TBL1XR1: variants seen among roughly 807,000 people sequenced by gnomAD.
The protein encoded by TBL1XR1 is F-box-like/WD repeat-containing protein TBL1XR1.
A neutral mutation model predicts 66.9 loss-of-function variants in TBL1XR1; 5 were observed. That is an observed-to-expected ratio of 0.07 (90% CI 0.04 to 0.16). TBL1XR1 has a LOEUF of 0.16. Among genes scored for constraint, TBL1XR1 ranks in the 10% least tolerant of loss-of-function variants. The pLI, the probability that TBL1XR1 is intolerant of heterozygous loss-of-function variation, is 1.00. For missense variants in TBL1XR1, 238 were observed against 623.2 expected, an observed-to-expected ratio of 0.38 and a Z score of 6.58; for synonymous variants, 210 against 206.0, an observed-to-expected ratio of 1.02 and a Z score of -0.17.
chr3:177,049,182 C>T (rs1186394555), intron 7 of TBL1XR1, among the ~76,000 whole-genome samples: 1 of 152,008 alleles, frequency 6.6e-6, no homozygotes, highest in East Asian at 1.9e-4. Context: ...ATCTCATTCC[C>T]GGGGAAAAGA....
intron 1 of TBL1XR1, among the ~76,000 whole-genome samples, chr3:177,153,626 G>A (rs530095036): frequency 1.3e-5 from 2 of 152,198 alleles, no homozygotes; most frequent in African/African-American, 4.8e-5. Flanking sequence ...GGTGGCTCAC[G>A]ACCGTAATCC....
intron 3 of TBL1XR1, among the ~76,000 whole-genome samples, chr3:177,061,869 T>C (rs1295086752): frequency 6.6e-6 from 1 of 152,174 alleles, no homozygotes; most frequent in Non-Finnish European, 1.5e-5. Context: ...TAGGACCTAT[T>C]GCAAAAGTAG....
chr3:177,146,118 T>C lies in TBL1XR1; in HGVS notation c.-121-47577A>G, dbSNP rs150587905. 3.0e-4 allele frequency among the ~76,000 whole-genome samples: 45 copies of C among 152,296 alleles called. No homozygotes were observed. In the East Asian group the frequency reaches 8.1e-3, roughly 27 times the overall value. The stretch of plus-strand genomic sequence containing the variant: ...GACTACAAGGAAGAGCTGGTATTCA[T>C]ATGTGATCTGCTTAGTTCAGTACCT... On this transcript the variant is annotated intron_variant, in intron 1 of 15. Transcript: ENST00000457928.
intron 1 of TBL1XR1, among the ~76,000 whole-genome samples, chr3:177,157,475 A>C (rs1731655969): frequency 6.6e-6 from 1 of 152,234 alleles, no homozygotes; most frequent in South Asian, 2.1e-4. Flanking sequence ...TTCTGAATTT[A>C]ACATAAAGAA....
chr3:177,188,538 C>A (rs1395139558), intron 1 of TBL1XR1, among the ~76,000 whole-genome samples: 1 of 151,884 alleles, frequency 6.6e-6, no homozygotes, highest in Non-Finnish European at 1.5e-5. Flanking sequence ...CAAGAGCAAA[C>A]CTCCGTCAAA....
chr3:177,165,046 A>C (rs1259122020), intron 1 of TBL1XR1, among the ~76,000 whole-genome samples: 2 of 152,176 alleles, frequency 1.3e-5, no homozygotes, highest in Non-Finnish European at 2.9e-5. Flanking sequence ...GTATCTAAAA[A>C]TTTGTTATGG....
At chr3:177,126,844 T>A (rs1323990928) in intron 1 of TBL1XR1, among the ~76,000 whole-genome samples, 1 of 151,734 alleles carries the variant, frequency 6.6e-6, no homozygotes, top group Non-Finnish European at 1.5e-5. Flanking sequence ...CAAGTCAAGC[T>A]TTTACAGAGA....
intron 3 of TBL1XR1, among the ~76,000 whole-genome samples, chr3:177,060,324 A>G (rs771839465): frequency 3.9e-5 from 6 of 152,226 alleles, no homozygotes; most frequent in Non-Finnish European, 1.5e-5. Flanking sequence ...ATTTTTAAAT[A>G]AATTTTTAAA....
chr3:177,134,033 G>A (rs1728620293), intron 1 of TBL1XR1, among the ~76,000 whole-genome samples: 1 of 151,972 alleles, frequency 6.6e-6, no homozygotes. Flanking sequence ...CCCGGGCAAA[G>A]GACTGGAACA....
At chr3:177,136,777 G>T (rs73171107) in intron 1 of TBL1XR1, among the ~76,000 whole-genome samples, 2 of 150,906 alleles carry the variant, frequency 1.3e-5, no homozygotes, top group Admixed American at 1.3e-4. Flanking sequence ...ATAATACGGC[G>T]AAGAAGAAAA....
At chr3:177,098,600 T>A in intron 1 of TBL1XR1, 59 bp from the exon 2 acceptor site, 5 of 858,626 alleles carry the variant, frequency 5.8e-6, no homozygotes, top group Non-Finnish European at 7.0e-6. Context: ...GTTTAAAAGA[T>A]TTTCCATACC....
intron 1 of TBL1XR1, chr3:177,110,824 G>C (rs1046144950): frequency 6.6e-6 from 1 of 152,184 alleles, no homozygotes; most frequent in African/African-American, 2.4e-5. Context: ...CTTCATGAGA[G>C]AAAAGAAGCC....
In TBL1XR1 at chr3:177,156,314, A is replaced by G. The variant is rs1007258552; in HGVS notation, c.-122+40807T>C. On this transcript the variant is annotated intron_variant, in intron 1 of 15. Coordinates refer to ENST00000457928, the MANE Select transcript of TBL1XR1 (RefSeq NM_024665.7). Reference sequence around the variant, plus strand: ...GGAGTTTGAGACCAGCCTGGCCAACATGGCAAAACCCCCGTCTCTACTGAA... The same window carrying G: ...GGAGTTTGAGACCAGCCTGGCCAACGTGGCAAAACCCCCGTCTCTACTGAA... Among the ~76,000 whole-genome samples, 16 of 151,720 alleles carry G rather than the reference A, an allele frequency of 1.1e-4. No individual in the cohort carries two copies. The East Asian group carries it at 2.9e-3, about 28-fold the overall frequency.
intron 2 of TBL1XR1, among the ~76,000 whole-genome samples, chr3:177,086,391 G>T: frequency 6.6e-6 from 1 of 151,606 alleles, no homozygotes; most frequent in East Asian, 1.9e-4. Flanking sequence ...ACCATACTGG[G>T]TAAGTCTAAA....
At chr3:177,170,486 T>G (rs999689185) in intron 1 of TBL1XR1, among the ~76,000 whole-genome samples, 2 of 152,302 alleles carry the variant, frequency 1.3e-5, no homozygotes, top group Admixed American at 1.3e-4. Context: ...CAGGTGCTCC[T>G]AAAAACAGCC....
At chr3:177,157,469 G>A (rs1396618411) in intron 1 of TBL1XR1, among the ~76,000 whole-genome samples, 1 of 152,070 alleles carries the variant, frequency 6.6e-6, no homozygotes, top group African/African-American at 2.4e-5. Context: ...ATAAAATTCT[G>A]AATTTAACAT....
chr3:177,146,480 G>GGT (rs1404876033), intron 1 of TBL1XR1, among the ~76,000 whole-genome samples: 1 of 150,010 alleles, frequency 6.7e-6, no homozygotes, highest in Non-Finnish European at 1.5e-5. Flanking sequence ...TAGAGATGGG[G>GGT]GTTTCACCAT....
chr3:177,167,143 A>G (rs1171706957), intron 1 of TBL1XR1, among the ~76,000 whole-genome samples: 1 of 152,248 alleles, frequency 6.6e-6, no homozygotes, highest in Non-Finnish European at 1.5e-5. Context: ...ACATGCAGAC[A>G]ATGGATTATT....
chr3:177,132,680 G>A (rs1284915234), intron 1 of TBL1XR1, among the ~76,000 whole-genome samples: 1 of 152,144 alleles, frequency 6.6e-6, no homozygotes, highest in Non-Finnish European at 1.5e-5. Flanking sequence ...CATGAAATGA[G>A]GTACAAATGA....
Sources: allele counts gnomAD v4.1 joint callset (sites outside exome capture counted in the v4.1 genomes callset), GRCh38; gene constraint gnomAD v4.1.1; transcripts MANE v1.5; gene names NCBI Gene and HGNC (gene_info 2026-07-23, HGNC 2026-07-21).